Variants in PCNX3 observed in about 807,000 individuals in gnomAD.
The protein encoded by PCNX3 is pecanex 3.
A neutral mutation model predicts 207.2 loss-of-function variants in PCNX3; 58 were observed. The ratio of observed to expected loss-of-function variants is 0.28; its 90% CI spans 0.23 to 0.35. The LOEUF (loss-of-function observed/expected upper bound fraction) is 0.35. Among genes scored for constraint, PCNX3 ranks in the 10% least tolerant of loss-of-function variants. The probability of loss-of-function intolerance (pLI) is 1.00; values close to 1 mark genes in which losing one functional copy is unlikely to be tolerated. For synonymous variants in PCNX3, 1,337 were observed against 1,183.5 expected (o/e 1.13, Z -2.66); for missense variants, 2,410 against 2,774.4 (o/e 0.87, Z 2.95).
intron 2 of PCNX3, 26 bp downstream of exon 2, chr11:65,617,037 G>A: frequency 6.3e-7 from 1 of 1,575,218 alleles, no homozygotes; most frequent in African/African-American, 1.3e-5. Flanking sequence ...GCTGTGCTGG[G>A]GATTGAGGGT....
Position 65,625,925 on chromosome 11 carries a change from T to C in PCNX3, c.3250T>C (p.Tyr1084His). Residue 1084 changes from tyrosine to histidine, a missense_variant, in exon 20 of 35, where the codon TAC (tyrosine) becomes CAC (histidine). Coordinates refer to ENST00000355703, the MANE Select transcript of PCNX3 (RefSeq NM_032223.4). The surrounding 1 kb of genome is among the most constrained non-coding windows in gnomAD (Gnocchi z 5.6). ...GCAGTCGGTGCTGGGTTTCGTGTTG[T>C]ACGCACTGGCTGGGGCCGTGGGCTT... ...ALKSVLGFVL[Y>H]ALAGAVGFFT... is the part of the protein sequence containing the mutation. 1.9e-6 allele frequency: 3 copies of C among 1,613,814 alleles called. No individual in the cohort carries two copies. The highest frequency in any genetic ancestry group is 2.5e-6 in the Non-Finnish European group (3 of 1,179,824).
In PCNX3 at chr11:65,618,480, G is replaced by A. The variant is rs902636005; in HGVS notation, c.1118G>A (p.Gly373Asp). 6.2e-7 allele frequency: 1 copy of A among 1,608,176 alleles called. No homozygotes were observed. Among genetic ancestry groups the A allele is most frequent in the Non-Finnish European group, 8.5e-7 (1 of 1,177,936 alleles). The change falls in exon 6 of 35, where the codon GGC becomes GAC. Residue 373 changes from glycine to aspartate, a missense_variant. By Grantham distance (94) the Gly-to-Asp change is moderately conservative (BLOSUM62 -1). Coordinates refer to ENST00000355703, the MANE Select transcript of PCNX3 (RefSeq NM_032223.4). ...DTVIGAGTPP[G>D]LAEPLLVVRP... ...GTCATTGGAGCAGGGACGCCACCGGGCCTGGCTGAGCCGCTCCTGGTCGTG... is the reference window on the plus strand; with the variant it reads ...GTCATTGGAGCAGGGACGCCACCGGACCTGGCTGAGCCGCTCCTGGTCGTG...
At chr11:65,621,071 C>A in intron 10 of PCNX3, 105 bp downstream of exon 10, 1 of 1,410,902 alleles carries the variant, frequency 7.1e-7, no homozygotes, top group Non-Finnish European at 9.4e-7. Flanking sequence ...CCAGGAGGGA[C>A]GGGCAGTGCT....
Position 65,634,345 on chromosome 11 carries a change from C to A in PCNX3, c.4690C>A (p.Arg1564=). The change falls in exon 28 of 35, where the codon CGG becomes AGG. Residue 1564 remains arginine (R), a synonymous_variant. Transcript: ENST00000355703. ...HLEWIQYCAS[R]RSQPVDQDWN... is the part of the protein sequence containing the mutation. ...CGAGTGGATCCAGTACTGCGCCTCC[C>A]GGCGCAGCCAGGTCAGGCTCCACTA... 1 of 1,586,562 alleles carries A rather than the reference C, an allele frequency of 6.3e-7. No individual in the cohort carries two copies. Among genetic ancestry groups the A allele is most frequent in the East Asian group, 2.3e-5 (1 of 43,372 alleles).
Position 65,618,503 on chromosome 11 carries a change from G to T in PCNX3, c.1141G>T (p.Val381Leu). The change falls in exon 6 of 35, where the codon GTG becomes TTG. Residue 381 changes from valine to leucine, a missense_variant. By Grantham distance (32) the Val-to-Leu change is conservative (BLOSUM62 1). Around this residue, in one of 8 missense-constraint regions of PCNX3, gnomAD observed 1,104 missense variants for 970.3 expected, o/e 1.14. Transcript: ENST00000355703. ...PPGLAEPLLV[V>L]RPKDLALLRP... ...GGGCCTGGCTGAGCCGCTCCTGGTC[G>T]TGCGGCCCAAGGACTTGGCCCTGCT... 1 of 1,610,372 alleles carries T rather than the reference G, an allele frequency of 6.2e-7. No individual in the cohort carries two copies. Among genetic ancestry groups the T allele is most frequent in the Non-Finnish European group, 8.5e-7 (1 of 1,178,854 alleles).
chr11:65,620,511 C>T lies in PCNX3; in HGVS notation c.2099+82C>T, dbSNP rs1369487145. ...AAGTTCCCTGAGCCTGGAGTTTGCT[C>T]TCTTCCTGCTGGGCTTGGGCAGGGG... is the stretch of plus-strand genomic sequence containing the variant. On this transcript the variant is annotated intron_variant, in intron 9 of 34. Coordinates refer to ENST00000355703, the MANE Select transcript of PCNX3 (RefSeq NM_032223.4). The T allele has an allele frequency of 4.1e-6, 6 of 1,464,378 alleles. No homozygotes were observed. The East Asian group carries it at 1.2e-4, about 28-fold the overall frequency. 90.7% of individuals were successfully genotyped at this position (1,464,378 alleles called of 1,614,324 possible).
intron 2 of PCNX3, 42 bp from the exon 3 acceptor site, chr11:65,617,208 A>G: frequency 6.5e-7 from 1 of 1,538,158 alleles, no homozygotes; most frequent in African/African-American, 1.4e-5. Context: ...GCATACACAG[A>G]GGAGAGGTTA....
In PCNX3 at chr11:65,625,625, A is replaced by G. The variant is rs765473180; in HGVS notation, c.3136-27A>G. ...AGCTGAGTGTCTCTCCTGGCCGGGC[A>G]GCTGAATGTCTCTCCTGGCCCTGCA... On this transcript the variant is annotated intron_variant, in intron 18 of 34. Coordinates refer to ENST00000355703, the MANE Select transcript of PCNX3 (RefSeq NM_032223.4). The surrounding 1 kb of genome is among the most constrained non-coding windows in gnomAD (Gnocchi z 5.6). The G allele has an allele frequency of 1.2e-6, 2 of 1,603,658 alleles. No individual in the cohort carries two copies. Among genetic ancestry groups the G allele is most frequent in the Admixed American group, 1.7e-5 (1 of 59,634 alleles).
intron 21 of PCNX3, 66 bp from the exon 22 acceptor site, chr11:65,627,339 A>G: frequency 6.6e-7 from 1 of 1,519,264 alleles, no homozygotes; most frequent in Non-Finnish European, 8.9e-7. Flanking sequence ...TAGGCGAGGG[A>G]TGGGACACCT....
Position 65,624,244 on chromosome 11 carries a change from G to A in PCNX3, c.2594G>A (p.Cys865Tyr). The change falls in exon 14 of 35, where the codon TGC becomes TAC. Residue 865 changes from cysteine (C) to tyrosine (Y), a missense_variant. Cys to Tyr is a radical substitution (Grantham distance 194, BLOSUM62 -2). This residue lies in a region of PCNX3 where 177 missense variants were observed against 257.5 expected (regional missense o/e 0.69). Coordinates refer to ENST00000355703, the MANE Select transcript of PCNX3 (RefSeq NM_032223.4). ...AYSRPVYFCI[C>Y]CLLIWLLDAL... ...AGCCGTCCTGTCTACTTCTGCATCT[G>A]CTGTCTGCTCATCTGGCTGCTGGAC... The A allele has an allele frequency of 6.2e-7, 1 of 1,607,454 alleles. No individual in the cohort carries two copies.
chr11:65,634,612 G>T lies in PCNX3; in HGVS notation c.4776G>T (p.Leu1592=). The T allele has an allele frequency of 6.2e-7, 1 of 1,601,948 alleles. No homozygotes were observed. The highest frequency in any genetic ancestry group is 2.2e-5 in the East Asian group (1 of 44,792). Residue 1592 remains leucine (L), a synonymous_variant, in exon 29 of 35, where the codon CTG becomes CTT. Coordinates refer to ENST00000355703, the MANE Select transcript of PCNX3 (RefSeq NM_032223.4). ...TGTGTGTGCTGGGCCGCCGGGCCCT[G>T]GGGACAGCCTCTCACAGCATGTCTG... ...FGLCVLGRRA[L]GTASHSMSAS... is the part of the protein sequence containing the mutation.
At chr11:65,623,812 T>G (rs1407075505) in intron 12 of PCNX3, 117 bp from the exon 13 acceptor site, 1 of 1,549,594 alleles carries the variant, frequency 6.5e-7, no homozygotes, top group African/African-American at 1.4e-5. Context: ...TCAGGACAGT[T>G]CGGGGGCCTG....
chr11:65,629,090 C>G (rs1490558176), intron 24 of PCNX3, 142 bp downstream of exon 24: 8 of 1,289,160 alleles, frequency 6.2e-6, no homozygotes, highest in South Asian at 1.4e-5. Flanking sequence ...GGCGGCAGAT[C>G]CAATGCAGGG....
chr11:65,623,980 G>T lies in PCNX3; in HGVS notation c.2544+19G>T. 6.2e-7 allele frequency: 1 copy of T among 1,610,472 alleles called. No individual in the cohort carries two copies. On this transcript the variant is annotated intron_variant, in intron 13 of 34. Transcript: ENST00000355703. ...CATGCACGTGAGTACCCATGGAGCAGCGCCTCTGGCCAGGAGGCCCCGGGA... is the reference window on the plus strand; with the variant it reads ...CATGCACGTGAGTACCCATGGAGCATCGCCTCTGGCCAGGAGGCCCCGGGA...
intron 24 of PCNX3, 42 bp from the exon 25 acceptor site, chr11:65,629,315 C>T (rs1415184387): frequency 6.3e-7 from 1 of 1,585,922 alleles, no homozygotes. Flanking sequence ...ACCCTCTCTT[C>T]ACCTTCTTGG....
rs181037134 is a variant in PCNX3 at position 65,618,868 on chromosome 11, T to G, written c.1506T>G (p.Arg502=). ...PSTASAKTHA[R]VLSMDGAGGD... is the part of the protein sequence containing the mutation. ...CCGCCAGCGCTAAAACACATGCCCG[T>G]GTGCTGAGCATGGATGGGGCTGGGG... The change falls in exon 6 of 35, where the codon CGT becomes CGG. Residue 502 remains arginine (R), a synonymous_variant. Coordinates refer to ENST00000355703, the MANE Select transcript of PCNX3 (RefSeq NM_032223.4). 297 of 1,610,910 alleles carry G rather than the reference T, an allele frequency of 1.8e-4. 1 individual carries two copies. The African/African-American group carries it at 3.0e-3, about 16-fold the overall frequency.
chr11:65,623,577 T>C lies in PCNX3; in HGVS notation c.2444T>C (p.Phe815Ser). Residue 815 changes from phenylalanine to serine, a missense_variant, in exon 12 of 35, where the codon TTC becomes TCC. Physicochemically the swap from Phe to Ser is radical, Grantham distance 155. This residue lies in a region of PCNX3 where 177 missense variants were observed against 257.5 expected (regional missense o/e 0.69). Coordinates refer to ENST00000355703, the MANE Select transcript of PCNX3 (RefSeq NM_032223.4). ...GGCTACCTGCTGCTGCTCAAGGGCT[T>C]CTTCACTGACATCTGGGTCTTCCAG... Reference protein sequence around the residue: ...FLGYLLLLKGFFTDIWVFQFC... With the variant: ...FLGYLLLLKGSFTDIWVFQFC... The C allele has an allele frequency of 6.2e-7, 1 of 1,614,000 alleles. No individual in the cohort carries two copies. Among genetic ancestry groups the C allele is most frequent in the Non-Finnish European group, 8.5e-7 (1 of 1,179,874 alleles).
chr11:65,624,116 C>T (rs1855255253), intron 13 of PCNX3, 79 bp from the exon 14 acceptor site: 1 of 1,566,940 alleles, frequency 6.4e-7, no homozygotes, highest in Non-Finnish European at 8.6e-7. Context: ...AGGGCCAGGC[C>T]TGGGGCCCTT....
chr11:65,619,988 T>C lies in PCNX3; in HGVS notation c.2008+56T>C. Reference sequence around the variant, plus strand: ...GCCTCCCCGCCTTCCCCCAACAGCCTGAGTCCTCCTAGCAGTGGTGCTCGC... The same window carrying C: ...GCCTCCCCGCCTTCCCCCAACAGCCCGAGTCCTCCTAGCAGTGGTGCTCGC... On this transcript the variant is annotated intron_variant, in intron 8 of 34. Coordinates refer to ENST00000355703, the MANE Select transcript of PCNX3 (RefSeq NM_032223.4). The C allele has an allele frequency of 5.9e-6, 9 of 1,516,912 alleles. No individual in the cohort carries two copies. The South Asian group carries it at 1.1e-4, about 19-fold the overall frequency. 94.0% of individuals were successfully genotyped at this position (1,516,912 alleles called of 1,614,324 possible). A position where few individuals can be genotyped will look rare whatever the true frequency, so the allele number is the denominator to read the frequency against.
Sources: allele counts gnomAD v4.1 joint callset, GRCh38; gene constraint gnomAD v4.1.1; regional missense constraint gnomAD v4.1.1; non-coding constraint Gnocchi (gnomAD v3.1); transcripts MANE v1.5; gene names NCBI Gene and HGNC (gene_info 2026-07-23, HGNC 2026-07-21).